The following GABRB1 variants were observed in gnomAD, a reference collection of about 807,000 sequenced individuals.
GABRB1 encodes gamma-aminobutyric acid type A receptor subunit beta1, also known as gamma-aminobutyric acid receptor subunit beta-1.
In GABRB1, 17 loss-of-function variants were observed where a neutral mutation model predicts 51.6. The ratio of observed to expected loss-of-function variants is 0.33; its 90% CI spans 0.23 to 0.49. GABRB1 has a LOEUF of 0.49. Among genes scored for constraint, GABRB1 ranks in the 20% least tolerant of loss-of-function variants. GABRB1 has a pLI of 0.99. For synonymous variants in GABRB1, 247 were observed against 218.9 expected, an observed-to-expected ratio of 1.13 and a Z score of -1.14; for missense variants, 410 against 600.6, an observed-to-expected ratio of 0.68 and a Z score of 3.32.
At chr4:47,118,708 A>G (rs1227278239) in intron 3 of GABRB1, among the ~76,000 whole-genome samples, 4 of 152,200 alleles carry the variant, frequency 2.6e-5, no homozygotes, top group Non-Finnish European at 5.9e-5. Flanking sequence ...ACACACAAAC[A>G]TCCTAATATA....
intron 3 of GABRB1, among the ~76,000 whole-genome samples, chr4:47,124,420 A>C (rs1157215237): frequency 6.6e-6 from 1 of 152,152 alleles, no homozygotes; most frequent in Non-Finnish European, 1.5e-5. Context: ...TGGTCTTTCA[A>C]ATACACAAAC....
chr4:47,310,332 G>A (rs537444754), intron 4 of GABRB1, among the ~76,000 whole-genome samples: 1 of 152,280 alleles, frequency 6.6e-6, no homozygotes, highest in African/African-American at 2.4e-5. Flanking sequence ...ATGACAGCAT[G>A]AATATGTAGC....
chr4:47,299,543 C>A (rs184088936), intron 4 of GABRB1, among the ~76,000 whole-genome samples: 2 of 152,112 alleles, frequency 1.3e-5, no homozygotes, highest in Non-Finnish European at 2.9e-5. Context: ...CAATGAGATA[C>A]CATCTCACAC....
At chr4:47,031,320 T>A (rs1388579907), upstream of GABRB1, 2 of 296,464 alleles carry the variant, frequency 6.7e-6, no homozygotes, top group Admixed American at 9.6e-5. Flanking sequence ...AAAAACAAAA[T>A]CAGGTTGAGG....
intron 3 of GABRB1, among the ~76,000 whole-genome samples, chr4:47,117,628 C>CT (rs1715563384): frequency 6.6e-6 from 1 of 152,136 alleles, no homozygotes; most frequent in Non-Finnish European, 1.5e-5. Context: ...AATAAGACTA[C>CT]TTTTTGGTGT....
intron 4 of GABRB1, among the ~76,000 whole-genome samples, chr4:47,229,647 T>C (rs1435352073): frequency 4.6e-5 from 7 of 152,184 alleles, no homozygotes; most frequent in Non-Finnish European, 1.0e-4. Flanking sequence ...ACTAAATTAA[T>C]GATTCTTCGA....
chr4:47,119,734 CCCAA>C (rs1715680663), intron 3 of GABRB1, among the ~76,000 whole-genome samples: 1 of 152,034 alleles, frequency 6.6e-6, no homozygotes, highest in Non-Finnish European at 1.5e-5. Context: ...GTCTTGAACT[CCCAA>C]CCTCAGGTGA....
At chr4:47,384,349 G>A (rs1727704499) in intron 5 of GABRB1, among the ~76,000 whole-genome samples, 1 of 150,786 alleles carries the variant, frequency 6.6e-6, no homozygotes, top group African/African-American at 2.4e-5. Context: ...TTCCAAAAAT[G>A]TGCTTTATTG....
At chr4:47,412,516 T>C (rs886777822) in intron 8 of GABRB1, among the ~76,000 whole-genome samples, 3 of 152,212 alleles carry the variant, frequency 2.0e-5, no homozygotes, top group African/African-American at 7.2e-5. Context: ...ACCTCTGGTA[T>C]TCTTTTTGAA....
chr4:47,149,407 T>A (rs1304356620), intron 3 of GABRB1, among the ~76,000 whole-genome samples: 3 of 152,062 alleles, frequency 2.0e-5, no homozygotes, highest in Non-Finnish European at 4.4e-5. Flanking sequence ...AACAGTCTCA[T>A]TATATAGTGT....
intron 1 of GABRB1, among the ~76,000 whole-genome samples, chr4:47,001,605 T>C (rs1252472666): frequency 1.5e-4 from 23 of 152,206 alleles, no homozygotes; most frequent in Admixed American, 1.5e-3. Context: ...AAGAGGGAAT[T>C]CTGCCAGCAG....
intron 4 of GABRB1, among the ~76,000 whole-genome samples, chr4:47,214,002 A>C (rs1053371486): frequency 2.0e-5 from 3 of 152,116 alleles, no homozygotes; most frequent in Non-Finnish European, 4.4e-5. Context: ...CCCGCACCCC[A>C]AACAGCATAA....
intron 4 of GABRB1, among the ~76,000 whole-genome samples, chr4:47,197,667 A>C (rs1341073851): frequency 1.3e-5 from 2 of 152,220 alleles, no homozygotes; most frequent in African/African-American, 4.8e-5. Context: ...GGCATCTTGA[A>C]GTAAGGAGTC....
chr4:47,309,245 C>G (rs1724578786), intron 4 of GABRB1, among the ~76,000 whole-genome samples: 1 of 144,332 alleles, frequency 6.9e-6, no homozygotes, highest in South Asian at 2.3e-4. Context: ...TGTTCTATTC[C>G]CTATTAATCC....
intron 3 of GABRB1, among the ~76,000 whole-genome samples, chr4:47,109,015 T>A (rs1399866732): frequency 6.6e-6 from 1 of 152,102 alleles, no homozygotes; most frequent in African/African-American, 2.4e-5. Context: ...TCAAGATTGT[T>A]GGGAGGATTA....
intron 4 of GABRB1, among the ~76,000 whole-genome samples, chr4:47,234,632 A>G (rs1360413741): frequency 6.6e-6 from 1 of 152,116 alleles, no homozygotes; most frequent in Non-Finnish European, 1.5e-5. Flanking sequence ...GCTTTGTAAG[A>G]TTTTATTGAT....
At chr4:47,255,710 C>T (rs1342377411) in intron 4 of GABRB1, among the ~76,000 whole-genome samples, 1 of 152,204 alleles carries the variant, frequency 6.6e-6, no homozygotes, top group Non-Finnish European at 1.5e-5. Context: ...ACACAGATTG[C>T]TGGGCCTCTT....
At chr4:47,251,006 G>A (rs942812998) in intron 4 of GABRB1, among the ~76,000 whole-genome samples, 2 of 152,064 alleles carry the variant, frequency 1.3e-5, no homozygotes, top group Non-Finnish European at 2.9e-5. Context: ...ATTTCTTGGG[G>A]GGGTGTTAAA....
At chr4:47,361,295 G>A (rs1726797372) in intron 5 of GABRB1, among the ~76,000 whole-genome samples, 1 of 152,096 alleles carries the variant, frequency 6.6e-6, no homozygotes, top group Non-Finnish European at 1.5e-5. Flanking sequence ...AATATCTCAT[G>A]GACTAATAGT....
Sources: gnomAD v4.1 joint callset for allele counts (sites outside exome capture counted in the v4.1 genomes callset) on GRCh38, gnomAD v4.1.1 for gene constraint, MANE v1.5 for transcripts, NCBI Gene and HGNC (gene_info 2026-07-23, HGNC 2026-07-21) for gene names.